Variants in TAB2 observed in about 807,000 individuals in gnomAD.
The protein encoded by TAB2 is TGF-beta-activated kinase 1 and MAP3K7-binding protein 2.
A neutral mutation model predicts 65.0 loss-of-function variants in TAB2; 3 were observed. The ratio of observed to expected loss-of-function variants is 0.05; its 90% CI spans 0.02 to 0.12. The LOEUF (loss-of-function observed/expected upper bound fraction) is 0.12. TAB2 is among the 10% of genes least tolerant of loss of function. The probability of loss-of-function intolerance (pLI) is 1.00; values close to 1 mark genes in which losing one functional copy is unlikely to be tolerated. For synonymous variants in TAB2, 298 were observed against 285.1 expected, an observed-to-expected ratio of 1.05 and a Z score of -0.46; for missense variants, 623 against 840.3, an observed-to-expected ratio of 0.74 and a Z score of 3.20.
intron 1 of TAB2, among the ~76,000 whole-genome samples, chr6:149,225,333 G>T (rs1041493982): frequency 6.6e-6 from 1 of 151,852 alleles, no homozygotes; most frequent in African/African-American, 2.4e-5. Flanking sequence ...TAATTGGAAG[G>T]TACTTGACTA....
At chr6:149,275,291 A>AGAAG (rs1562397049) in intron 1 of TAB2, among the ~76,000 whole-genome samples, 4 of 146,366 alleles carry the variant, frequency 2.7e-5, no homozygotes, top group Non-Finnish European at 4.6e-5. Context: ...AAAGAAAGAA[A>AGAAG]GAAAGAAAGA....
intron 1 of TAB2, among the ~76,000 whole-genome samples, chr6:149,302,024 C>T (rs1024810764): frequency 1.3e-5 from 2 of 152,022 alleles, no homozygotes; most frequent in African/African-American, 4.8e-5. Context: ...ATCACTTCGG[C>T]AGATACAATG....
intron 1 of TAB2, among the ~76,000 whole-genome samples, chr6:149,328,726 C>A (rs1479229897): frequency 6.6e-6 from 1 of 152,116 alleles, no homozygotes; most frequent in Non-Finnish European, 1.5e-5. Flanking sequence ...GACATATATA[C>A]AAACACATGT....
At chr6:149,287,414 G>A (rs184103156) in intron 1 of TAB2, among the ~76,000 whole-genome samples, 7 of 150,796 alleles carry the variant, frequency 4.6e-5, no homozygotes, top group South Asian at 2.1e-4. Context: ...ATATTAAATC[G>A]GTAGAAATAA....
intron 1 of TAB2, among the ~76,000 whole-genome samples, chr6:149,248,603 C>T (rs1777789828): frequency 6.6e-6 from 1 of 152,196 alleles, no homozygotes; most frequent in South Asian, 2.1e-4. Context: ...CCAAGGTGGT[C>T]ATAAGTAGCA....
intron 6 of TAB2, among the ~76,000 whole-genome samples, chr6:149,408,205 C>G (rs557523267): frequency 3.9e-5 from 6 of 152,274 alleles, no homozygotes; most frequent in African/African-American, 1.4e-4. Flanking sequence ...GGCATAGTAA[C>G]TGGTATTGTC....
chr6:149,260,680 C>T (rs561343565), intron 1 of TAB2, among the ~76,000 whole-genome samples: 20 of 152,204 alleles, frequency 1.3e-4, no homozygotes, highest in Non-Finnish European at 2.2e-4. Flanking sequence ...ATCTATGGGA[C>T]GGGGGCTGGA....
intron 1 of TAB2, among the ~76,000 whole-genome samples, chr6:149,268,398 C>T (rs1778301924): frequency 6.6e-6 from 1 of 152,204 alleles, no homozygotes; most frequent in African/African-American, 2.4e-5. Context: ...CCACCTAAAA[C>T]TCATGTCCTA....
At chr6:149,323,341 A>G (rs944875247) in intron 1 of TAB2, among the ~76,000 whole-genome samples, 2 of 152,176 alleles carry the variant, frequency 1.3e-5, no homozygotes, top group Non-Finnish European at 2.9e-5. Flanking sequence ...TGTTATTGGC[A>G]TCAAAGTGAA....
intron 1 of TAB2, among the ~76,000 whole-genome samples, chr6:149,219,356 A>T (rs1035630069): frequency 4.0e-5 from 6 of 150,672 alleles, no homozygotes; most frequent in Non-Finnish European, 8.8e-5. Flanking sequence ...TGGGACAAGT[A>T]TATAAGTAAA....
intron 3 of TAB2, among the ~76,000 whole-genome samples, 177 bp downstream of exon 3, chr6:149,379,695 T>A (rs1472158091): frequency 6.6e-6 from 1 of 152,116 alleles, no homozygotes; most frequent in Non-Finnish European, 1.5e-5. Flanking sequence ...TTTAATTTTA[T>A]TTTATTATTA....
chr6:149,293,442 C>T (rs1011743515), intron 1 of TAB2, among the ~76,000 whole-genome samples: 6 of 152,222 alleles, frequency 3.9e-5, no homozygotes, highest in Non-Finnish European at 8.8e-5. Flanking sequence ...ATGTGTGTTG[C>T]TATTGTTTAT....
At chr6:149,388,921 A>G (rs926596960) in intron 3 of TAB2, among the ~76,000 whole-genome samples, 3 of 146,520 alleles carry the variant, frequency 2.0e-5, no homozygotes, top group African/African-American at 7.6e-5. Flanking sequence ...GCCTTTCCAT[A>G]TTCCAAGATT....
At position 149,336,635 on chromosome 6, in the gene TAB2, G is replaced by A. The variant is rs144982455; in HGVS notation, c.-90+18620G>A. ...GAAAAGATCCATGTGGGCTGAAGCA[G>A]GATAAAAAGAATTCAAGTAGAAGGT... On this transcript the variant is annotated intron_variant, in intron 1 of 6. Coordinates refer to ENST00000637181, the MANE Select transcript of TAB2 (RefSeq NM_001292034.3). 3.9e-5 allele frequency among the ~76,000 whole-genome samples: 6 copies of A among 152,214 alleles called. No individual in the cohort carries two copies. The East Asian group carries it at 1.2e-3, about 29-fold the overall frequency.
chr6:149,327,758 T>C (rs1779661919), intron 1 of TAB2, among the ~76,000 whole-genome samples: 1 of 152,196 alleles, frequency 6.6e-6, no homozygotes, highest in Non-Finnish European at 1.5e-5. Context: ...CTTAGGATGA[T>C]TTTATAGGAA....
intron 1 of TAB2, among the ~76,000 whole-genome samples, chr6:149,326,481 A>G (rs1196668673): frequency 6.6e-6 from 1 of 152,164 alleles, no homozygotes; most frequent in Non-Finnish European, 1.5e-5. Flanking sequence ...CATTGGATAA[A>G]TGACATGTTA....
intron 1 of TAB2, among the ~76,000 whole-genome samples, chr6:149,361,690 C>T (rs1164930198): frequency 6.6e-6 from 1 of 152,228 alleles, no homozygotes; most frequent in East Asian, 1.9e-4. Context: ...TTCTCTGCCA[C>T]ATGGCCAGAC....
At chr6:149,334,234 C>T (rs1235904274) in intron 1 of TAB2, among the ~76,000 whole-genome samples, 2 of 152,114 alleles carry the variant, frequency 1.3e-5, no homozygotes, top group South Asian at 2.1e-4. Flanking sequence ...TCTCTCTTAC[C>T]TTTTTTTCAT....
chr6:149,352,121 C>T (rs1027812183), intron 1 of TAB2, among the ~76,000 whole-genome samples: 2 of 152,100 alleles, frequency 1.3e-5, no homozygotes, highest in African/African-American at 4.8e-5. Context: ...ATGTGAGATA[C>T]ATTACTAGTT....
Sources: gnomAD v4.1 joint callset for allele counts (sites outside exome capture counted in the v4.1 genomes callset) on GRCh38, gnomAD v4.1.1 for gene constraint, MANE v1.5 for transcripts, NCBI Gene and HGNC (gene_info 2026-07-23, HGNC 2026-07-21) for gene names.